SEMA5A: variants seen among roughly 807,000 people sequenced by gnomAD.
The protein encoded by SEMA5A is semaphorin 5A, also known as semaphorin-5A.
A neutral mutation model predicts 135.5 loss-of-function variants in SEMA5A; 55 were observed. The ratio of observed to expected loss-of-function variants is 0.41; its 90% CI spans 0.33 to 0.51. The LOEUF (loss-of-function observed/expected upper bound fraction) is 0.51, where lower values mean the gene tolerates loss of function less well. Ranked by LOEUF, SEMA5A falls within the 20% of genes least tolerant of loss-of-function variation. The pLI is 0.37. For synonymous variants in SEMA5A, 580 were observed against 546.5 expected, an observed-to-expected ratio of 1.06 and a Z score of -0.85; for missense variants, 1,290 against 1,419.9, an observed-to-expected ratio of 0.91 and a Z score of 1.47.
At chr5:9,259,177 C>T (rs1749263292) in intron 5 of SEMA5A, among the ~76,000 whole-genome samples, 1 of 152,158 alleles carries the variant, frequency 6.6e-6, no homozygotes, top group Admixed American at 6.6e-5. Flanking sequence ...TTGCTATCTG[C>T]CTTTCACTTG....
At chr5:9,374,076 T>C (rs1171808618) in intron 3 of SEMA5A, among the ~76,000 whole-genome samples, 1 of 152,188 alleles carries the variant, frequency 6.6e-6, no homozygotes, top group Non-Finnish European at 1.5e-5. Context: ...GACAAGGACA[T>C]ATGTGTGAAC....
Position 9,215,711 on chromosome 5 carries a change from A to T in SEMA5A, c.646+8963T>A, listed in dbSNP as rs1366400940. Among the ~76,000 whole-genome samples the T allele has an allele frequency of 2.0e-5, 3 of 152,026 alleles. 1 individual carries two copies. Among genetic ancestry groups the T allele is most frequent in the Admixed American group, 1.3e-4 (2 of 15,274 alleles). ...ACATTTCTGGTAGTTTCTGATGGTT[A>T]TTTTTATTTCTGTGGGTTCAGCGGT... On this transcript the variant is annotated intron_variant, in intron 8 of 22. Transcript: ENST00000382496.
intron 15 of SEMA5A, among the ~76,000 whole-genome samples, chr5:9,116,253 T>C (rs1423318164): frequency 1.3e-5 from 2 of 152,174 alleles, no homozygotes; most frequent in Admixed American, 1.3e-4. Flanking sequence ...GTGTGTTGTT[T>C]TGAGCCACAA....
At chr5:9,467,569 G>C (rs1257092798) in intron 1 of SEMA5A, among the ~76,000 whole-genome samples, 1 of 152,216 alleles carries the variant, frequency 6.6e-6, no homozygotes, top group African/African-American at 2.4e-5. Context: ...AGCTGGCCAA[G>C]TGGGTATACC....
At chr5:9,289,634 C>T (rs1233871510) in intron 5 of SEMA5A, among the ~76,000 whole-genome samples, 1 of 151,876 alleles carries the variant, frequency 6.6e-6, no homozygotes, top group Non-Finnish European at 1.5e-5. Context: ...CACTGCATTC[C>T]AGCCTGGGTG....
rs574285177 is a variant in SEMA5A, at chr5:9,204,112, C to A, written c.647-1872G>T. Among the ~76,000 whole-genome samples the A allele has an allele frequency of 1.5e-3, 235 of 152,224 alleles. No homozygotes were observed. Among genetic ancestry groups the A allele is most frequent in the Middle Eastern group, 6.8e-3 (2 of 294 alleles). ...GAAAATAATACTGGCATGTCTAATT[C>A]TAAATAAGAGTCTAAATTATTTTGG... On this transcript the variant is annotated intron_variant, in intron 8 of 22. Coordinates refer to ENST00000382496, the MANE Select transcript of SEMA5A (RefSeq NM_003966.3). The surrounding 1 kb of genome is among the most constrained non-coding windows in gnomAD (Gnocchi z 6.4).
rs746491791 is a variant in SEMA5A, at chr5:9,343,255, A to G, written c.125-5443T>C. Among the ~76,000 whole-genome samples the G allele has an allele frequency of 2.4e-4, 37 of 152,330 alleles. 1 individual carries two copies. The highest frequency in any genetic ancestry group is 3.1e-4 in the Non-Finnish European group (21 of 68,024). ...AGTATGGAGGAAGAAAATGACAACC[A>G]TGTACTGATCTGCTTTATTGGAGTA... is the stretch of plus-strand genomic sequence containing the variant. On this transcript the variant is annotated intron_variant, in intron 3 of 22. Transcript: ENST00000382496.
chr5:9,116,729 A>G (rs1385075129), intron 15 of SEMA5A, among the ~76,000 whole-genome samples: 3 of 152,242 alleles, frequency 2.0e-5, no homozygotes, highest in Admixed American at 1.3e-4. Flanking sequence ...ATTATTTTGT[A>G]TGCCTAGTTC....
intron 2 of SEMA5A, among the ~76,000 whole-genome samples, chr5:9,432,689 C>T (rs192437951): frequency 4.1e-4 from 63 of 152,246 alleles, no homozygotes; most frequent in African/African-American, 1.2e-3. Flanking sequence ...CATTATTGTA[C>T]GCACATCACA....
intron 2 of SEMA5A, among the ~76,000 whole-genome samples, chr5:9,401,346 G>A (rs1054923093): frequency 3.3e-5 from 5 of 152,272 alleles, no homozygotes; most frequent in African/African-American, 1.2e-4. Context: ...AGGGTCTAGT[G>A]CCATATGTCA....
intron 4 of SEMA5A, among the ~76,000 whole-genome samples, chr5:9,323,365 T>C (rs1275008506): frequency 6.6e-6 from 1 of 152,162 alleles, no homozygotes; most frequent in Non-Finnish European, 1.5e-5. Context: ...GAGTAACTTA[T>C]TTCAAAATAA....
chr5:9,062,234 C>A (rs1298379216), intron 18 of SEMA5A, among the ~76,000 whole-genome samples: 1 of 152,120 alleles, frequency 6.6e-6, no homozygotes, highest in Non-Finnish European at 1.5e-5. Context: ...GACAAATGTG[C>A]CCAGGGCCCA....
At chr5:9,133,042 TTTG>T (rs779262273) in intron 13 of SEMA5A, among the ~76,000 whole-genome samples, 5 of 152,352 alleles carry the variant, frequency 3.3e-5, no homozygotes, top group Non-Finnish European at 7.3e-5. Flanking sequence ...GAGAGTGTTT[TTTG>T]TTGTTGTTGT....
chr5:9,203,779 A>T (rs1241194233), intron 8 of SEMA5A, among the ~76,000 whole-genome samples: 1 of 152,182 alleles, frequency 6.6e-6, no homozygotes, highest in Non-Finnish European at 1.5e-5. Context: ...ACCGTCCAAC[A>T]TATTCTTAAG....
intron 2 of SEMA5A, among the ~76,000 whole-genome samples, chr5:9,420,184 T>C (rs1561238499): frequency 1.3e-5 from 2 of 152,132 alleles, no homozygotes; most frequent in South Asian, 2.1e-4. Flanking sequence ...CTAAAACTCA[T>C]GGAAGCCCCT....
At chr5:9,341,355 G>A (rs1002810849) in intron 3 of SEMA5A, among the ~76,000 whole-genome samples, 1 of 151,894 alleles carries the variant, frequency 6.6e-6, no homozygotes, top group Non-Finnish European at 1.5e-5. Flanking sequence ...GCAGGAAAAC[G>A]TCATCAATAC....
chr5:9,127,636 C>T (rs1325909824), intron 13 of SEMA5A, among the ~76,000 whole-genome samples: 1 of 152,118 alleles, frequency 6.6e-6, no homozygotes, highest in Non-Finnish European at 1.5e-5. Context: ...CACATATGTC[C>T]CTTTCATGAA....
At chr5:9,068,836 T>C (rs187212103) in intron 16 of SEMA5A, among the ~76,000 whole-genome samples, 11 of 152,326 alleles carry the variant, frequency 7.2e-5, no homozygotes, top group Admixed American at 5.9e-4. Flanking sequence ...TAGGACTCTG[T>C]GTGCAGCAGT....
chr5:9,512,768 C>T (rs540756283), intron 1 of SEMA5A, among the ~76,000 whole-genome samples: 1 of 152,218 alleles, frequency 6.6e-6, no homozygotes, highest in South Asian at 2.1e-4. Context: ...CTTTCTGTCC[C>T]ACTGACAACC....
Sources: allele counts gnomAD v4.1 joint callset (sites outside exome capture counted in the v4.1 genomes callset), GRCh38; gene constraint gnomAD v4.1.1; non-coding constraint Gnocchi (gnomAD v3.1); transcripts MANE v1.5; gene names NCBI Gene and HGNC (gene_info 2026-07-23, HGNC 2026-07-21).